TRERF1: variants seen among roughly 807,000 people sequenced by gnomAD.
TRERF1 encodes the protein transcriptional regulating factor 1, also known as transcriptional-regulating factor 1.
Under a neutral mutation model 122.9 loss-of-function variants are expected in TRERF1, and 27 were observed. The observed-to-expected ratio is 0.22, with a 90% CI of 0.16 to 0.30. The LOEUF is 0.30. Ranked by LOEUF, TRERF1 falls within the 10% of genes least tolerant of loss-of-function variation. The pLI is 1.00. For synonymous variants in TRERF1, 636 were observed against 641.7 expected (o/e 0.99, Z 0.13); for missense variants, 1,248 against 1,560.3 (o/e 0.80, Z 3.37).
chr6:42,403,250 C>T (rs563079787), intron 2 of TRERF1, among the ~76,000 whole-genome samples: 12 of 152,070 alleles, frequency 7.9e-5, no homozygotes, highest in Admixed American at 3.3e-4. Flanking sequence ...CAAAAATTCA[C>T]GGCCACCTGG....
At chr6:42,342,458 A>G (rs687144) in intron 3 of TRERF1, among the ~76,000 whole-genome samples, 39,686 of 152,006 alleles carry the variant, frequency 0.26, 8,805 homozygotes, top group African/African-American at 0.59. Context: ...CAAGAGTCCC[A>G]CATCCTTCTC....
At chr6:42,398,390 C>T (rs941885158) in intron 2 of TRERF1, among the ~76,000 whole-genome samples, 2 of 152,068 alleles carry the variant, frequency 1.3e-5, no homozygotes, top group Admixed American at 1.3e-4. Flanking sequence ...CATCACATGC[C>T]CTTGGTCCTT....
chr6:42,345,969 G>A (rs575509601), intron 3 of TRERF1, among the ~76,000 whole-genome samples: 1 of 152,128 alleles, frequency 6.6e-6, no homozygotes, highest in South Asian at 2.1e-4. Flanking sequence ...GCTATGAGGT[G>A]GAAAAAAAGG....
chr6:42,263,932 ATTTGT>A lies in TRERF1; in HGVS notation c.1636-369_1636-365del, dbSNP rs953794612. Among the ~76,000 whole-genome samples, 2 of 152,218 alleles carry A rather than the reference ATTTGT, an allele frequency of 1.3e-5. No homozygotes were observed. The highest frequency in any genetic ancestry group is 4.8e-5 in the African/African-American group (2 of 41,456). On this transcript the variant is annotated intron_variant, in intron 7 of 17. Coordinates refer to ENST00000372922, the Ensembl canonical transcript of TRERF1. This position sits in a 1 kb window ranked among gnomAD's most constrained non-coding sequence, Gnocchi z 5.6. ...TAATTCTATGGGCCTTAGTTCACTC[ATTTGT>A]CAAATGGAAATAGGCATTCCATCCT...
intron 1 of TRERF1, among the ~76,000 whole-genome samples, chr6:42,451,697 C>G (rs1554225494): frequency 6.6e-6 from 1 of 151,176 alleles, no homozygotes; most frequent in Non-Finnish European, 1.5e-5. Flanking sequence ...TGCAGGCTCT[C>G]CTGATGCTGG....
At chr6:42,449,300 G>A (rs1054228121) in intron 2 of TRERF1, among the ~76,000 whole-genome samples, 11 of 152,242 alleles carry the variant, frequency 7.2e-5, no homozygotes, top group Non-Finnish European at 1.3e-4. Flanking sequence ...ATCCTTTGGC[G>A]AAAATGGACA....
At chr6:42,306,293 C>G (rs939920035) in intron 3 of TRERF1, among the ~76,000 whole-genome samples, 1 of 152,120 alleles carries the variant, frequency 6.6e-6, no homozygotes, top group Non-Finnish European at 1.5e-5. Context: ...TGAGCCACCA[C>G]GCCCGGCCAA....
intron 3 of TRERF1, among the ~76,000 whole-genome samples, chr6:42,327,028 G>C (rs1195350156): frequency 6.6e-6 from 1 of 152,166 alleles, no homozygotes; most frequent in Non-Finnish European, 1.5e-5. Context: ...TGAGATTCTA[G>C]TCAGAATCCT....
At chr6:42,243,260 G>A (rs750536211) in exon 15 of TRERF1, 35 of 1,613,826 alleles carry the variant, frequency 2.2e-5, no homozygotes, top group Middle Eastern at 1.6e-4. Flanking sequence ...CACAATCGTC[G>A]ATGATTTCTG....
rs2149832819 is a variant in TRERF1 at position 42,263,224 on chromosome 6, C to T, written c.1884+96G>A. The T allele has an allele frequency of 6.7e-7, 1 of 1,483,426 alleles. No homozygotes were observed. Among genetic ancestry groups the T allele is most frequent in the East Asian group, 2.4e-5 (1 of 41,066 alleles). 91.9% of individuals were successfully genotyped at this position (1,483,426 alleles called of 1,614,324 possible). A position where few individuals can be genotyped will look rare whatever the true frequency, so the allele number is the denominator to read the frequency against. On this transcript the variant is annotated intron_variant, in intron 8 of 17. Coordinates refer to ENST00000372922, the Ensembl canonical transcript of TRERF1. The surrounding 1 kb of genome is among the most constrained non-coding windows in gnomAD (Gnocchi z 5.6). ...CATCTCCAAGAAAGCAAAGGGATGT[C>T]CCCACCCAGGCAGGTGGGGCAGAGC...
intron 8 of TRERF1, among the ~76,000 whole-genome samples, chr6:42,260,935 A>C (rs1335165698): frequency 6.6e-6 from 1 of 151,844 alleles, no homozygotes; most frequent in East Asian, 1.9e-4. Flanking sequence ...CTAGGAGAGG[A>C]GTCTAGGGAG....
At chr6:42,436,811 AAAAATATAT>A (rs1378476228) in intron 2 of TRERF1, among the ~76,000 whole-genome samples, 4 of 111,554 alleles carry the variant, frequency 3.6e-5, no homozygotes, top group South Asian at 3.4e-4. Context: ...AAAAAAAAAA[AAAAATATAT>A]ATATATATAT....
chr6:42,394,243 T>G (rs1581973552), intron 2 of TRERF1, among the ~76,000 whole-genome samples: 1 of 151,082 alleles, frequency 6.6e-6, no homozygotes, highest in Admixed American at 6.6e-5. Context: ...ACTCCAACTC[T>G]CCCCCCACAA....
At chr6:42,277,490 C>T (rs1200428522) in intron 4 of TRERF1, among the ~76,000 whole-genome samples, 2 of 152,198 alleles carry the variant, frequency 1.3e-5, no homozygotes, top group Non-Finnish European at 2.9e-5. Context: ...GCAGTCCTGA[C>T]ATGGCTAGGA....
At chr6:42,284,231 ATT>A (rs34764742) in intron 4 of TRERF1, among the ~76,000 whole-genome samples, 8 of 139,590 alleles carry the variant, frequency 5.7e-5, no homozygotes, top group Non-Finnish European at 6.2e-5. Flanking sequence ...ATAATTTTTA[ATT>A]TTTTTTTTTT....
Position 42,228,380 on chromosome 6 carries a change from C to T in TRERF1, c.3568G>A (p.Asp1190Asn). 6.2e-7 allele frequency: 1 copy of T among 1,614,032 alleles called. No homozygotes were observed. The highest frequency in any genetic ancestry group is 1.1e-5 in the South Asian group (1 of 91,080). Residue 1190 changes from aspartate to asparagine, a missense_variant, in exon 18 of 18, where the codon GAT (aspartate) becomes AAT (asparagine). By Grantham distance (23) the Asp-to-Asn change is conservative. This residue lies in a region of TRERF1 where 84 missense variants were observed against 116.0 expected (regional missense o/e 0.72). Coordinates refer to ENST00000372922, the Ensembl canonical transcript of TRERF1. This position sits in a 1 kb window ranked among gnomAD's most constrained non-coding sequence, Gnocchi z 4.2. ...GCGTCACCCTGAAGCAAGACTGAAT[C>T]TTGATCATCCAAGAGAAGATCGGTG...
chr6:42,263,206 A>G lies in TRERF1; in HGVS notation c.1884+114T>C. On this transcript the variant is annotated intron_variant, in intron 8 of 17. Coordinates refer to ENST00000372922, the Ensembl canonical transcript of TRERF1. The surrounding 1 kb of genome is among the most constrained non-coding windows in gnomAD (Gnocchi z 5.6). Reference sequence around the variant, plus strand: ...ACTCTGGAAGGGCCGCCCCATCTCCAAGAAAGCAAAGGGATGTCCCCACCC... The same window carrying G: ...ACTCTGGAAGGGCCGCCCCATCTCCGAGAAAGCAAAGGGATGTCCCCACCC... 6.9e-7 allele frequency: 1 copy of G among 1,457,444 alleles called. No homozygotes were observed. The highest frequency in any genetic ancestry group is 9.1e-7 in the Non-Finnish European group (1 of 1,103,162). The allele number at this position is 1,457,444 out of a possible 1,614,324, so 90.3% of individuals were successfully genotyped here. A position where few individuals can be genotyped will look rare whatever the true frequency, so the allele number is the denominator to read the frequency against.
chr6:42,353,171 A>C (rs1041611889), intron 3 of TRERF1, among the ~76,000 whole-genome samples: 2 of 152,176 alleles, frequency 1.3e-5, no homozygotes, highest in East Asian at 3.9e-4. Flanking sequence ...ACTCCATTTC[A>C]AAAAACACAA....
At chr6:42,422,592 T>C (rs1782952790) in intron 2 of TRERF1, among the ~76,000 whole-genome samples, 1 of 151,814 alleles carries the variant, frequency 6.6e-6, no homozygotes, top group Admixed American at 6.6e-5. Flanking sequence ...CATGCAGATC[T>C]ACTCTGCTCC....
Sources: gnomAD v4.1 joint callset for allele counts (sites outside exome capture counted in the v4.1 genomes callset) on GRCh38, gnomAD v4.1.1 for gene constraint, gnomAD v4.1.1 regional missense constraint, Gnocchi (gnomAD v3.1) non-coding constraint, MANE v1.5 for transcripts, NCBI Gene and HGNC (gene_info 2026-07-23, HGNC 2026-07-21) for gene names.